Variants in GTPBP1 observed in about 807,000 individuals in gnomAD.
The protein encoded by GTPBP1 is GTP binding protein 1.
In GTPBP1, 23 loss-of-function variants were observed where a neutral mutation model predicts 62.0. That is an observed-to-expected ratio of 0.37 (90% confidence interval 0.27 to 0.53). GTPBP1 has a LOEUF of 0.53. GTPBP1 is among the 20% of genes least tolerant of loss of function. The pLI is 0.89. For synonymous variants in GTPBP1, 344 were observed against 364.4 expected, an observed-to-expected ratio of 0.94 and a Z score of 0.64; for missense variants, 640 against 917.3, an observed-to-expected ratio of 0.70 and a Z score of 3.90.
At chr22:38,714,329 C>T (rs1249094876) in intron 2 of GTPBP1, among the ~76,000 whole-genome samples, 1 of 151,836 alleles carries the variant, frequency 6.6e-6, no homozygotes, top group Non-Finnish European at 1.5e-5. Flanking sequence ...AAATACAAAA[C>T]TTAGCCAGGC....
rs772641871 is a variant in GTPBP1 at position 38,716,042 on chromosome 22, A to T, written c.440A>T (p.Tyr147Phe). 3 of 1,612,884 alleles carry T rather than the reference A, an allele frequency of 1.9e-6. No homozygotes were observed. In the South Asian group the frequency reaches 3.3e-5, roughly 18 times the overall value. ...GAAGCTGGGGGCCGCGTGCGTGATT[A>T]CCTGGTCCGGAAACGAGTAGGAGAC... ...RQEAGGRVRDYLVRKRVGDND... is the reference protein window; with the variant it reads ...RQEAGGRVRDFLVRKRVGDND... Residue 147 changes from tyrosine (Y) to phenylalanine (F), a missense_variant, in exon 3 of 12, where the codon TAC becomes TTC. Tyr to Phe is a conservative substitution (Grantham distance 22, BLOSUM62 3). Around this residue, in one of 4 missense-constraint regions of GTPBP1, gnomAD observed 215 missense variants for 235.1 expected, o/e 0.91. Transcript: ENST00000216044. The surrounding 1 kb of genome is among the most constrained non-coding windows in gnomAD (Gnocchi z 5.2).
In GTPBP1 at chr22:38,726,100, A is replaced by G. The variant is rs1325025054; in HGVS notation, c.1168A>G (p.Arg390Gly). 3 of 1,613,956 alleles carry G rather than the reference A, an allele frequency of 1.9e-6. No individual in the cohort carries two copies. Among genetic ancestry groups the G allele is most frequent in the Non-Finnish European group, 1.7e-6 (2 of 1,179,884 alleles). The change falls in exon 7 of 12, where the codon AGG (arginine) becomes GGG (glycine). Residue 390 changes from arginine (R) to glycine (G), a missense_variant. Physicochemically the swap from Arg to Gly is moderately radical, Grantham distance 125 (BLOSUM62 -2). Around this residue, in one of 4 missense-constraint regions of GTPBP1, gnomAD observed 220 missense variants for 358.1 expected, o/e 0.61. Transcript: ENST00000216044. This position sits in a 1 kb window ranked among gnomAD's most constrained non-coding sequence, Gnocchi z 4.1. ...CCTCCTCTCCCCCCGCACCAGCTAC[A>G]GGGAGGAGGAGCCTGCTGAGTTTCA... Reference protein sequence around the residue: ...LNLLSPRTSYREEEPAEFQID... With the variant: ...LNLLSPRTSYGEEEPAEFQID...
chr22:38,723,316 A>G (rs1284984356), intron 5 of GTPBP1: 9 of 842,564 alleles, frequency 1.1e-5, no homozygotes, highest in Non-Finnish European at 1.5e-5. Context: ...GGGCGACAGC[A>G]GGTGCATGGT....
intron 5 of GTPBP1, among the ~76,000 whole-genome samples, chr22:38,722,257 T>C (rs1303502288): frequency 6.6e-6 from 1 of 152,222 alleles, no homozygotes; most frequent in Non-Finnish European, 1.5e-5. Context: ...AATATTCACA[T>C]TTGCTTCAAT....
At chr22:38,736,998 C>T (rs2092811428), downstream of GTPBP1, among the ~76,000 whole-genome samples, 1 of 152,184 alleles carries the variant, frequency 6.6e-6, no homozygotes, top group Non-Finnish European at 1.5e-5. Context: ...TGCATGTCAC[C>T]ACACCCGGCT....
Position 38,716,372 on chromosome 22 carries a change from T to C in GTPBP1, c.486-280T>C. 2 of 585,364 alleles carry C rather than the reference T, an allele frequency of 3.4e-6. No individual in the cohort carries two copies. Among genetic ancestry groups the C allele is most frequent in the Non-Finnish European group, 3.0e-6 (1 of 329,996 alleles). The allele number at this position is 585,364 out of a possible 1,614,324, so 36.3% of individuals were successfully genotyped here. On this transcript the variant is annotated intron_variant, in intron 3 of 11. Transcript: ENST00000216044. This position sits in a 1 kb window ranked among gnomAD's most constrained non-coding sequence, Gnocchi z 5.2. ...AACCAGGGTCATGGAGAAGAGCCTT[T>C]TGTGCCTCTGGTAGCCTTGCGGCTC...
At chr22:38,738,259 C>G, downstream of GTPBP1, 1 of 1,613,614 alleles carries the variant, frequency 6.2e-7, no homozygotes, top group Non-Finnish European at 8.5e-7. This position sits in a 1 kb window ranked among gnomAD's most constrained non-coding sequence, Gnocchi z 6.6. Flanking sequence ...AGGTCTTCGT[C>G]AAACCCCTGC....
At chr22:38,737,404 C>T (rs571063107), downstream of GTPBP1, among the ~76,000 whole-genome samples, 3 of 152,290 alleles carry the variant, frequency 2.0e-5, no homozygotes, top group South Asian at 4.1e-4. This position sits in a 1 kb window ranked among gnomAD's most constrained non-coding sequence, Gnocchi z 4.1. Context: ...CCCTCTCCCC[C>T]ACCTATCCTG....
rs149746873 is a variant in GTPBP1 at position 38,710,599 on chromosome 22, G to T, written c.304+1643G>T. Among the ~76,000 whole-genome samples, 23 of 152,038 alleles carry T rather than the reference G, an allele frequency of 1.5e-4. No homozygotes were observed. In the East Asian group the frequency reaches 3.9e-3, roughly 26 times the overall value. ...ATTAGCATTATCAAGTGCTACAGAG[G>T]CAGCAATGAATGCCAGGTTCAAAAA... On this transcript the variant is annotated intron_variant, in intron 2 of 11. Coordinates refer to ENST00000216044, the MANE Select transcript of GTPBP1 (RefSeq NM_004286.5).
At chr22:38,722,875 G>A in intron 5 of GTPBP1, 1 of 1,412,512 alleles carries the variant, frequency 7.1e-7, no homozygotes, top group Non-Finnish European at 1.0e-6. Flanking sequence ...ACCAAGTGGA[G>A]GGTTTCTTCC....
At chr22:38,741,147 C>T (rs758664387), downstream of GTPBP1, 10 of 1,358,080 alleles carry the variant, frequency 7.4e-6, no homozygotes, top group African/African-American at 8.7e-5. Flanking sequence ...TGCTTAACCA[C>T]ACCCCTGCCC....
At chr22:38,718,936 C>T (rs770767771) in intron 4 of GTPBP1, among the ~76,000 whole-genome samples, 1 of 152,160 alleles carries the variant, frequency 6.6e-6, no homozygotes, top group Non-Finnish European at 1.5e-5. Context: ...TTAGATTTAG[C>T]AATCATTAAC....
intron 2 of GTPBP1, among the ~76,000 whole-genome samples, chr22:38,713,809 G>T (rs910295200): frequency 6.6e-6 from 1 of 152,198 alleles, no homozygotes; most frequent in Non-Finnish European, 1.5e-5. Flanking sequence ...TTAAAAGAGG[G>T]TTGGGTTGGG....
At chr22:38,739,167 G>A (rs1394199890), downstream of GTPBP1, 9 of 895,646 alleles carry the variant, frequency 1.0e-5, no homozygotes, top group South Asian at 6.3e-5. This position sits in a 1 kb window ranked among gnomAD's most constrained non-coding sequence, Gnocchi z 6.7. Context: ...GATGGTACTC[G>A]GTACGTCCTG....
At chr22:38,719,830 T>C (rs2092690228) in intron 4 of GTPBP1, among the ~76,000 whole-genome samples, 1 of 152,084 alleles carries the variant, frequency 6.6e-6, no homozygotes, top group African/African-American at 2.4e-5. Context: ...AGTCTGTATT[T>C]ATATTATTTC....
At chr22:38,709,935 G>A (rs935838254) in intron 2 of GTPBP1, among the ~76,000 whole-genome samples, 1 of 152,216 alleles carries the variant, frequency 6.6e-6, no homozygotes, top group Non-Finnish European at 1.5e-5. Flanking sequence ...CAATCCCAGA[G>A]TATATTATGG....
In GTPBP1 at chr22:38,716,191, C is replaced by A; in HGVS notation, c.485+104C>A. The A allele has an allele frequency of 9.5e-6, 9 of 942,780 alleles. No individual in the cohort carries two copies. The highest frequency in any genetic ancestry group is 1.5e-5 in the Non-Finnish European group (9 of 607,784). The allele number at this position is 942,780 out of a possible 1,614,324, so 58.4% of individuals were successfully genotyped here. ...AGCTCCATCCTTTCCCCTCCTGAGG[C>A]GGGGAAAGAGTGTCCAGGTGTCTGG... On this transcript the variant is annotated intron_variant, in intron 3 of 11. Transcript: ENST00000216044. This position sits in a 1 kb window ranked among gnomAD's most constrained non-coding sequence, Gnocchi z 5.2.
chr22:38,728,071 C>T lies in GTPBP1; in HGVS notation c.1626C>T (p.Phe542=). The change falls in exon 10 of 12, where the codon TTC becomes TTT. Residue 542 remains phenylalanine (F), a synonymous_variant. Coordinates refer to ENST00000216044, the MANE Select transcript of GTPBP1 (RefSeq NM_004286.5). ...LRTGDKATVH[F]RFIKTPEYLH... ...CTGGGGACAAGGCCACTGTACACTTCCGCTTCATCAAGACCCCTGAGTACC... is the reference window on the plus strand; with the variant it reads ...CTGGGGACAAGGCCACTGTACACTTTCGCTTCATCAAGACCCCTGAGTACC... 3 of 1,612,976 alleles carry T rather than the reference C, an allele frequency of 1.9e-6. No individual in the cohort carries two copies. The highest frequency in any genetic ancestry group is 1.7e-6 in the Non-Finnish European group (2 of 1,178,920).
downstream of GTPBP1, chr22:38,739,411 C>T (rs756176255): frequency 1.5e-5 from 25 of 1,612,988 alleles, no homozygotes; most frequent in East Asian, 2.2e-5. This position sits in a 1 kb window ranked among gnomAD's most constrained non-coding sequence, Gnocchi z 6.7. Context: ...GCCTGCTTCA[C>T]GATGTGGTGC....
Sources: gnomAD v4.1 joint callset for allele counts (sites outside exome capture counted in the v4.1 genomes callset) on GRCh38, gnomAD v4.1.1 for gene constraint, gnomAD v4.1.1 regional missense constraint, Gnocchi (gnomAD v3.1) non-coding constraint, MANE v1.5 for transcripts, NCBI Gene and HGNC (gene_info 2026-07-23, HGNC 2026-07-21) for gene names.